The following CXCL13 variants were observed in gnomAD, a reference collection of about 807,000 sequenced individuals.
CXCL13 encodes the protein C-X-C motif chemokine ligand 13, also known as C-X-C motif chemokine 13.
A neutral mutation model predicts 12.2 loss-of-function variants in CXCL13; 7 were observed. The observed-to-expected ratio is 0.57, with a 90% confidence interval of 0.33 to 1.07. The LOEUF is 1.07. CXCL13 is among the 50% of genes least tolerant of loss of function. CXCL13 has a pLI of 0.04. For synonymous variants in CXCL13, 47 were observed against 42.4 expected, an observed-to-expected ratio of 1.11 and a Z score of -0.42; for missense variants, 113 against 127.4, an observed-to-expected ratio of 0.89 and a Z score of 0.55.
upstream of CXCL13, among the ~76,000 whole-genome samples, chr4:77,603,225 G>C (rs2109836158): frequency 6.6e-6 from 1 of 152,160 alleles, no homozygotes; most frequent in African/African-American, 2.4e-5. Context: ...CTATACTTGG[G>C]TCTCAAGATC....
At chr4:77,581,089 G>A (rs1009506696) in intron 1 of CXCL13, among the ~76,000 whole-genome samples, 5 of 152,080 alleles carry the variant, frequency 3.3e-5, no homozygotes, top group Non-Finnish European at 7.4e-5. Context: ...CTTGGGGTTG[G>A]GGGAGTGAGG....
chr4:77,524,570 C>G lies in CXCL13; in HGVS notation c.-43+12782C>G, dbSNP rs561990997. On this transcript the variant is annotated intron_variant, in intron 1 of 4. Transcript: ENST00000286758. ...TCTTGTCTGCCGGTGGCTAAGACCT[C>G]GGGAAAAGTTCAGTATTTGGGCTGG... Among the ~76,000 whole-genome samples, 390 of 152,286 alleles carry G rather than the reference C, an allele frequency of 2.6e-3. 2 individuals are homozygous for G. The highest frequency in any genetic ancestry group is 4.3e-3 in the Non-Finnish European group (290 of 68,010).
intron 2 of CXCL13, 89 bp from the exon 3 acceptor site, chr4:77,610,525 T>C (rs1578076141): frequency 2.8e-6 from 3 of 1,079,150 alleles, no homozygotes; most frequent in Admixed American, 2.0e-5. Context: ...CTAGGAATAA[T>C]TATTTTCATA....
chr4:77,543,485 G>A (rs1419413840), intron 1 of CXCL13, among the ~76,000 whole-genome samples: 1 of 151,966 alleles, frequency 6.6e-6, no homozygotes, highest in African/African-American at 2.4e-5. Context: ...TTTGACATAG[G>A]CATTTAGCAC....
intron 1 of CXCL13, among the ~76,000 whole-genome samples, chr4:77,525,132 C>T (rs1240946426): frequency 6.6e-6 from 1 of 152,186 alleles, no homozygotes; most frequent in Non-Finnish European, 1.5e-5. Flanking sequence ...TAGGATGATG[C>T]AGCACAAAGG....
At chr4:77,578,117 C>A (rs1726236733) in intron 1 of CXCL13, among the ~76,000 whole-genome samples, 1 of 152,186 alleles carries the variant, frequency 6.6e-6, no homozygotes, top group South Asian at 2.1e-4. Flanking sequence ...TTTTACCAGT[C>A]AGGATTTTGG....
At chr4:77,567,007 C>A (rs1199135652) in intron 1 of CXCL13, among the ~76,000 whole-genome samples, 3 of 152,222 alleles carry the variant, frequency 2.0e-5, no homozygotes, top group African/African-American at 7.2e-5. Context: ...CCTGCCTTAA[C>A]TGATGACATC....
intron 1 of CXCL13, among the ~76,000 whole-genome samples, chr4:77,573,402 GTGTGTGTGTA>G (rs1212647482): frequency 7.1e-4 from 104 of 147,178 alleles, no homozygotes; most frequent in African/African-American, 2.5e-3. Flanking sequence ...GTGTGTGTGT[GTGTGTGTGTA>G]TGTCTAAATG....
intron 1 of CXCL13, among the ~76,000 whole-genome samples, chr4:77,520,943 T>C (rs1314771139): frequency 6.6e-6 from 1 of 152,188 alleles, no homozygotes; most frequent in Non-Finnish European, 1.5e-5. Context: ...CGAATTTTCT[T>C]GAAGGCCTTT....
At chr4:77,560,538 C>A (rs1181474426) in intron 1 of CXCL13, among the ~76,000 whole-genome samples, 2 of 152,204 alleles carry the variant, frequency 1.3e-5, no homozygotes, top group Middle Eastern at 3.2e-3. Context: ...TGTGTTCAAA[C>A]CTAAGACTCA....
At chr4:77,532,303 TG>T (rs1560517260) in intron 1 of CXCL13, among the ~76,000 whole-genome samples, 1 of 152,220 alleles carries the variant, frequency 6.6e-6, no homozygotes, top group Admixed American at 6.5e-5. Flanking sequence ...CCTTCACTTA[TG>T]AAGCTTAGTT....
chr4:77,555,405 C>T (rs1725636637), intron 1 of CXCL13, among the ~76,000 whole-genome samples: 1 of 151,752 alleles, frequency 6.6e-6, no homozygotes, highest in African/African-American at 2.4e-5. Flanking sequence ...TTTAATGTGC[C>T]AAAGTAATTA....
At chr4:77,545,543 CTGTT>C (rs1272913020) in intron 1 of CXCL13, among the ~76,000 whole-genome samples, 1 of 152,174 alleles carries the variant, frequency 6.6e-6, no homozygotes, top group Non-Finnish European at 1.5e-5. Context: ...ATTTGGCTCT[CTGTT>C]TGTCTGCTAT....
rs533672509 is a variant in CXCL13 at position 77,539,383 on chromosome 4, T to G, written c.-43+27595T>G. 3.3e-3 allele frequency among the ~76,000 whole-genome samples: 500 copies of G among 152,320 alleles called. 2 individuals carry two copies. Among genetic ancestry groups the G allele is most frequent in the African/African-American group, 0.011 (476 of 41,570 alleles). ...CTCAAGTGATCCGCCCATCTTGGCC[T>G]CCCAAAGTGCTGGGATCACAAGCAT... On this transcript the variant is annotated intron_variant, in intron 1 of 4. Coordinates refer to the CXCL13 transcript ENST00000286758.
intron 1 of CXCL13, among the ~76,000 whole-genome samples, chr4:77,539,838 G>A (rs895718710): frequency 2.0e-5 from 3 of 152,102 alleles, no homozygotes; most frequent in African/African-American, 7.2e-5. Flanking sequence ...ATGGCTGCCT[G>A]ACATTCCTGG....
At chr4:77,588,175 T>C (rs1439481127) in intron 1 of CXCL13, among the ~76,000 whole-genome samples, 1 of 152,250 alleles carries the variant, frequency 6.6e-6, no homozygotes, top group Non-Finnish European at 1.5e-5. Flanking sequence ...TTATGACACC[T>C]ACCTGAATTT....
intron 1 of CXCL13, among the ~76,000 whole-genome samples, chr4:77,528,747 T>C (rs569068870): frequency 1.3e-5 from 2 of 152,350 alleles, no homozygotes; most frequent in South Asian, 4.1e-4. Context: ...ACTCTAATGG[T>C]AGTTTCCTTT....
At chr4:77,540,516 G>A (rs1725173156) in intron 1 of CXCL13, among the ~76,000 whole-genome samples, 1 of 152,144 alleles carries the variant, frequency 6.6e-6, no homozygotes, top group Non-Finnish European at 1.5e-5. Flanking sequence ...GTGACAGCAT[G>A]TGGTATCTGG....
chr4:77,611,076 C>T lies in CXCL13; in HGVS notation c.*37C>T, dbSNP rs1201185098. 3 of 1,525,624 alleles carry T rather than the reference C, an allele frequency of 2.0e-6. No individual in the cohort carries two copies. Among genetic ancestry groups the T allele is most frequent in the East Asian group, 2.3e-5 (1 of 44,380 alleles). The allele number at this position is 1,525,624 out of a possible 1,614,324, so 94.5% of individuals were successfully genotyped here. A position where few individuals can be genotyped will look rare whatever the true frequency, so the allele number is the denominator to read the frequency against. On this transcript the variant is annotated 3_prime_UTR_variant, in exon 4 of 4. Transcript: ENST00000682537. ...CCACTAAGAACACCTGCATTCTTCC[C>T]TTATCCCTGCTCTGGATTTTAGTTT...
Sources: gnomAD v4.1 joint callset for allele counts (sites outside exome capture counted in the v4.1 genomes callset) on GRCh38, gnomAD v4.1.1 for gene constraint, MANE v1.5 for transcripts, NCBI Gene and HGNC (gene_info 2026-07-23, HGNC 2026-07-21) for gene names.